Variants in PRKX observed in about 807,000 individuals in gnomAD.
The protein encoded by PRKX is protein kinase cAMP-dependent X-linked catalytic subunit.
In PRKX, 12 loss-of-function variants were observed where a neutral mutation model predicts 22.0. The observed-to-expected ratio is 0.54, with a 90% confidence interval of 0.35 to 0.88. PRKX has a LOEUF of 0.88. Ranked by LOEUF, PRKX falls within the 40% of genes least tolerant of loss-of-function variation. The pLI is 0.01. For synonymous variants in PRKX, 134 were observed against 137.7 expected (o/e 0.97, Z 0.19); for missense variants, 217 against 308.0 (o/e 0.70, Z 2.21).
chrX:3,677,536 G>T (rs6567581), intron 1 of PRKX, among the ~76,000 whole-genome samples: 1 of 104,808 alleles, frequency 9.5e-6, no homozygotes, highest in African/African-American at 3.5e-5. Flanking sequence ...GTTTGAGAAG[G>T]AAAAAAAAAG....
At chrX:3,663,530 G>C (rs1430503779) in intron 2 of PRKX, among the ~76,000 whole-genome samples, 1 of 104,237 alleles carries the variant, frequency 9.6e-6, no homozygotes, top group Non-Finnish European at 2.0e-5. Context: ...TTGGGAGGCT[G>C]AGGTGGGAGG....
At chrX:3,629,955 T>C (rs1222445901) in intron 4 of PRKX, among the ~76,000 whole-genome samples, 1 of 111,968 alleles carries the variant, frequency 8.9e-6, no homozygotes, top group Non-Finnish European at 1.9e-5. Context: ...GAAAACCATT[T>C]CTTGACCCCT....
chrX:3,697,931 T>C (rs1181679180), intron 1 of PRKX, among the ~76,000 whole-genome samples: 1 of 111,525 alleles, frequency 9.0e-6, no homozygotes, highest in East Asian at 2.8e-4. Context: ...AACAAGGGCA[T>C]CCCAAGGGAA....
intron 1 of PRKX, among the ~76,000 whole-genome samples, chrX:3,686,748 G>C (rs1457123986): frequency 9.0e-6 from 1 of 110,652 alleles, no homozygotes; most frequent in Non-Finnish European, 1.9e-5. Context: ...AGTAGACACG[G>C]GGTTTCACCA....
At chrX:3,653,799 A>ATATATATTATATACTATGATATATATAT (rs1927399686) in intron 3 of PRKX, among the ~76,000 whole-genome samples, 1 of 26,012 alleles carries the variant, frequency 3.8e-5, no homozygotes, top group Non-Finnish European at 6.4e-5. Flanking sequence ...GATATATATA[A>ATATATATTATATACTATGATATATATAT]TATATATTAT....
chrX:3,710,457 T>C (rs1442352147), intron 1 of PRKX, among the ~76,000 whole-genome samples: 6 of 111,821 alleles, frequency 5.4e-5, no homozygotes, highest in Non-Finnish European at 9.4e-5. Context: ...CTGCAACCTC[T>C]GCCTCCTGGG....
At chrX:3,655,436 T>C (rs1927460837) in intron 2 of PRKX, 24 bp from the exon 3 acceptor site, 4 of 1,209,402 alleles carry the variant, frequency 3.3e-6, no homozygotes, top group Non-Finnish European at 3.4e-6. Flanking sequence ...CAGCACATGC[T>C]CAGGGCCCCG....
rs1200443420 is a variant in PRKX at position 3,674,647 on chromosome X, T to C, written c.286A>G (p.Asn96Asp). ...ACTTCCTTCAGGACAGACTTCTCAT[T>C]GTGTACGTGTTGCTCCTGCTTTAGG... ...IRLKQEQHVH[N>D]EKSVLKEVSH... Residue 96 changes from asparagine (N) to aspartate (D), a missense_variant, in exon 2 of 9, where the codon AAT becomes GAT. Coordinates refer to ENST00000262848, the MANE Select transcript of PRKX (RefSeq NM_005044.5). 8.3e-7 allele frequency: 1 copy of C among 1,209,710 alleles called. No individual in the cohort carries two copies. The highest frequency in any genetic ancestry group is 1.1e-6 in the Non-Finnish European group (1 of 895,175).
At chrX:3,642,678 A>G (rs1165528403) in intron 3 of PRKX, among the ~76,000 whole-genome samples, 2 of 110,798 alleles carry the variant, frequency 1.8e-5, no homozygotes, top group Non-Finnish European at 3.8e-5. Context: ...ATCCAAAAAA[A>G]AAAGTGGCAG....
intron 4 of PRKX, among the ~76,000 whole-genome samples, chrX:3,638,966 GTAGAGA>G (rs1382244813): frequency 2.0e-5 from 2 of 101,062 alleles, no homozygotes; most frequent in Non-Finnish European, 4.0e-5. Flanking sequence ...TAAAAAGATC[GTAGAGA>G]TAAAGAGATG....
intron 1 of PRKX, among the ~76,000 whole-genome samples, chrX:3,702,786 C>T (rs182493658): frequency 1.9e-5 from 2 of 104,115 alleles, no homozygotes; most frequent in Admixed American, 2.1e-4. Context: ...CTCTACCTCC[C>T]GAGCTCAAGC....
chrX:3,621,862 G>A (rs1203951850), intron 5 of PRKX, among the ~76,000 whole-genome samples: 6 of 111,366 alleles, frequency 5.4e-5, no homozygotes, highest in Non-Finnish European at 1.1e-4. Context: ...GGGAGGTTGG[G>A]CATACTGGCT....
At chrX:3,664,490 G>C (rs1927679126) in intron 2 of PRKX, among the ~76,000 whole-genome samples, 1 of 112,064 alleles carries the variant, frequency 8.9e-6, no homozygotes, top group East Asian at 2.8e-4. Flanking sequence ...CTCCTGCCTG[G>C]GTCTCTCAAA....
At chrX:3,689,640 C>T (rs1928258410) in intron 1 of PRKX, among the ~76,000 whole-genome samples, 1 of 111,806 alleles carries the variant, frequency 8.9e-6, no homozygotes, top group Non-Finnish European at 1.9e-5. Context: ...TGATCGCACC[C>T]CTGTGCTCTA....
Position 3,655,404 on chromosome X carries a change from G to A in PRKX, c.344C>T (p.Thr115Met). 2.5e-6 allele frequency: 3 copies of A among 1,212,217 alleles called. No individual in the cohort carries two copies. The highest frequency in any genetic ancestry group is 3.3e-6 in the Non-Finnish European group (3 of 895,624). Residue 115 changes from threonine to methionine, a missense_variant, in exon 3 of 9, where the codon ACG becomes ATG. Physicochemically the swap from Thr to Met is moderately conservative, Grantham distance 81. Coordinates refer to ENST00000262848, the MANE Select transcript of PRKX (RefSeq NM_005044.5). ...SHPFLIRLFW[T>M]WHDERFLYML... The stretch of plus-strand genomic sequence containing the variant: ...GTAGAGGAAGCGCTCGTCATGCCAC[G>A]TCCAGAACCTGCGGGGACAGACAGC...
intron 2 of PRKX, among the ~76,000 whole-genome samples, chrX:3,665,568 T>A (rs1927706334): frequency 1.8e-5 from 2 of 111,310 alleles, no homozygotes; most frequent in South Asian, 7.6e-4. Flanking sequence ...CATAGCAGCA[T>A]TATTCACTAC....
chrX:3,616,156 G>A lies in PRKX; in HGVS notation c.874-264C>T, dbSNP rs1378684669. The stretch of plus-strand genomic sequence containing the variant: ...TGCATTTGCATTCCGGACCAAAGAC[G>A]AAAAAGGTAAATACGATTCCATCTC... On this transcript the variant is annotated intron_variant, in intron 6 of 8. Coordinates refer to ENST00000262848, the MANE Select transcript of PRKX (RefSeq NM_005044.5). 1.2e-4 allele frequency among the ~76,000 whole-genome samples: 13 copies of A among 111,225 alleles called. No homozygotes were observed. The East Asian group carries it at 2.5e-3, about 22-fold the overall frequency.
At chrX:3,635,861 G>A (rs764117685) in intron 4 of PRKX, among the ~76,000 whole-genome samples, 33 of 112,000 alleles carry the variant, frequency 2.9e-4, no homozygotes, top group African/African-American at 1.1e-3. Context: ...AAAGTGCTGG[G>A]ATGACAGGCA....
chrX:3,710,634 A>G (rs1408285158), intron 1 of PRKX, among the ~76,000 whole-genome samples: 2 of 111,531 alleles, frequency 1.8e-5, no homozygotes. Flanking sequence ...TCGGCCTCCC[A>G]AAGTGCTGGG....
Sources: allele counts gnomAD v4.1 joint callset (sites outside exome capture counted in the v4.1 genomes callset), GRCh38; gene constraint gnomAD v4.1.1; transcripts MANE v1.5; gene names NCBI Gene and HGNC (gene_info 2026-07-23, HGNC 2026-07-21).